Variants in ZBTB20 observed in about 807,000 individuals in gnomAD.
ZBTB20 encodes the protein zinc finger and BTB domain-containing protein 20.
Under a neutral mutation model 56.9 loss-of-function variants are expected in ZBTB20, and 9 were observed. The ratio of observed to expected loss-of-function variants is 0.16; its 90% CI spans 0.10 to 0.28. The LOEUF (loss-of-function observed/expected upper bound fraction) is 0.28, where lower values mean the gene tolerates loss of function less well. ZBTB20 is among the 10% of genes least tolerant of loss of function. ZBTB20 has a pLI of 1.00. For missense variants in ZBTB20, 655 were observed against 1,003.0 expected, an observed-to-expected ratio of 0.65 and a Z score of 4.69; for synonymous variants, 417 against 420.7, an observed-to-expected ratio of 0.99 and a Z score of 0.11.
intron 4 of ZBTB20, among the ~76,000 whole-genome samples, chr3:114,878,479 G>A (rs1460482741): frequency 2.0e-5 from 3 of 151,274 alleles, no homozygotes; most frequent in Non-Finnish European, 2.9e-5. Context: ...TGGTAAAATA[G>A]ATGTTAGGGG....
At chr3:114,685,264 A>T (rs957605772) in intron 6 of ZBTB20, among the ~76,000 whole-genome samples, 2 of 152,202 alleles carry the variant, frequency 1.3e-5, no homozygotes, top group Non-Finnish European at 2.9e-5. Context: ...GGGACTGAGA[A>T]TGTTCACCGC....
At chr3:114,561,020 CAGG>C (rs1356329961) in intron 6 of ZBTB20, among the ~76,000 whole-genome samples, 1 of 152,092 alleles carries the variant, frequency 6.6e-6, no homozygotes, top group Non-Finnish European at 1.5e-5. Context: ...GAATCTTTAC[CAGG>C]AGTAGATTCC....
chr3:114,449,316 G>C (rs1322847828), intron 7 of ZBTB20, among the ~76,000 whole-genome samples: 3 of 152,072 alleles, frequency 2.0e-5, no homozygotes, highest in African/African-American at 7.2e-5. Flanking sequence ...AAGGTAATTT[G>C]TTTGGTTAGT....
At chr3:114,933,039 C>A (rs2076411836) in intron 3 of ZBTB20, among the ~76,000 whole-genome samples, 1 of 151,968 alleles carries the variant, frequency 6.6e-6, no homozygotes, top group African/African-American at 2.4e-5. Context: ...AGAGACAGGC[C>A]CAGACAGACC....
chr3:114,824,866 C>T (rs1175960511), intron 4 of ZBTB20, among the ~76,000 whole-genome samples: 1 of 151,822 alleles, frequency 6.6e-6, no homozygotes, highest in Non-Finnish European at 1.5e-5. Flanking sequence ...TTACTTAATG[C>T]AAAATATTTT....
intron 1 of ZBTB20, among the ~76,000 whole-genome samples, chr3:115,078,613 G>GTGTGTGTGTGTGTATATA (rs769630983): frequency 3.6e-5 from 5 of 137,828 alleles, no homozygotes; most frequent in African/African-American, 1.4e-4. Flanking sequence ...GTGTGTGTGT[G>GTGTGTGTGTGTGTATATA]TATATATATA....
chr3:114,968,017 G>C (rs1383729642), intron 3 of ZBTB20, among the ~76,000 whole-genome samples: 3 of 151,632 alleles, frequency 2.0e-5, no homozygotes, highest in African/African-American at 4.8e-5. Context: ...GAAGATCTTA[G>C]TGTTAACTCA....
chr3:114,923,000 A>T (rs922368442), intron 3 of ZBTB20, among the ~76,000 whole-genome samples: 7 of 152,232 alleles, frequency 4.6e-5, no homozygotes, highest in African/African-American at 1.7e-4. Flanking sequence ...ATACAATAAC[A>T]TACTAAGAAA....
rs537950955 is a variant in ZBTB20, at chr3:114,354,332, T to C, written c.200-2454A>G. On this transcript the variant is annotated intron_variant, in intron 10 of 11. Transcript: ENST00000675478. ...GGATGGATTTATTACAACATTTTTTTCTACACAAGTGAAAACACTCTTTAA... is the reference window on the plus strand; with the variant it reads ...GGATGGATTTATTACAACATTTTTTCCTACACAAGTGAAAACACTCTTTAA... Among the ~76,000 whole-genome samples, 3 of 152,316 alleles carry C rather than the reference T, an allele frequency of 2.0e-5. No homozygotes were observed. The South Asian group carries it at 6.2e-4, about 32-fold the overall frequency.
Position 114,822,253 on chromosome 3 carries a change from T to C in ZBTB20, c.-416-21079A>G, listed in dbSNP as rs530133736. ...TTAATATAATCTTAAGTATGAGATA[T>C]AAATAGTTTCTGGAAAAATCTAATT... On this transcript the variant is annotated intron_variant, in intron 4 of 11. Transcript: ENST00000675478. Among the ~76,000 whole-genome samples the C allele has an allele frequency of 2.6e-5, 4 of 152,232 alleles. No homozygotes were observed. In the South Asian group the frequency reaches 8.3e-4, roughly 32 times the overall value.
At chr3:114,837,806 A>T (rs1375708996) in intron 4 of ZBTB20, among the ~76,000 whole-genome samples, 10 of 152,098 alleles carry the variant, frequency 6.6e-5, no homozygotes, top group Non-Finnish European at 1.0e-4. Flanking sequence ...AAAATAGAGG[A>T]TGTGGAGATC....
intron 5 of ZBTB20, among the ~76,000 whole-genome samples, chr3:114,715,634 G>T (rs963574844): frequency 1.3e-5 from 2 of 152,160 alleles, no homozygotes; most frequent in African/African-American, 4.8e-5. Flanking sequence ...TGACCTGAGA[G>T]ATATAGTAAT....
chr3:114,862,500 G>T (rs1369446237), intron 4 of ZBTB20, among the ~76,000 whole-genome samples: 1 of 151,872 alleles, frequency 6.6e-6, no homozygotes, highest in Non-Finnish European at 1.5e-5. Flanking sequence ...AAACATCCTT[G>T]AAAATAGTAG....
At chr3:115,003,782 T>G (rs1341282678) in intron 2 of ZBTB20, among the ~76,000 whole-genome samples, 2 of 151,618 alleles carry the variant, frequency 1.3e-5, no homozygotes, top group East Asian at 3.9e-4. Flanking sequence ...TCTAGTGAAA[T>G]CAAAGATAAA....
At chr3:114,803,044 T>A (rs935271946) in intron 4 of ZBTB20, among the ~76,000 whole-genome samples, 1 of 151,524 alleles carries the variant, frequency 6.6e-6, no homozygotes, top group Non-Finnish European at 1.5e-5. Flanking sequence ...TCCCCCCCCA[T>A]GCCATTTCTC....
intron 7 of ZBTB20, among the ~76,000 whole-genome samples, chr3:114,495,540 G>A (rs1424272467): frequency 6.6e-6 from 1 of 151,774 alleles, no homozygotes; most frequent in African/African-American, 2.4e-5. Context: ...CTGTGTTTTC[G>A]CCTTAGTAAT....
intron 6 of ZBTB20, among the ~76,000 whole-genome samples, chr3:114,690,173 T>C (rs1333069143): frequency 6.6e-6 from 1 of 152,138 alleles, no homozygotes; most frequent in Non-Finnish European, 1.5e-5. Flanking sequence ...ATTTTGTATA[T>C]GTCCATACTG....
intron 2 of ZBTB20, among the ~76,000 whole-genome samples, chr3:115,057,106 C>T (rs1366223315): frequency 2.0e-5 from 3 of 151,972 alleles, no homozygotes; most frequent in Admixed American, 6.6e-5. Flanking sequence ...TTTCATTATC[C>T]TTCTGTCTTC....
intron 10 of ZBTB20, among the ~76,000 whole-genome samples, chr3:114,368,542 A>G (rs2082668446): frequency 6.6e-6 from 1 of 152,168 alleles, no homozygotes; most frequent in Non-Finnish European, 1.5e-5. Flanking sequence ...TCTGATTAGG[A>G]TATGTCCTGG....
Sources: allele counts gnomAD v4.1 joint callset (sites outside exome capture counted in the v4.1 genomes callset), GRCh38; gene constraint gnomAD v4.1.1; transcripts MANE v1.5; gene names NCBI Gene and HGNC (gene_info 2026-07-23, HGNC 2026-07-21).